The following GNAS variants were observed in gnomAD, a reference collection of about 807,000 sequenced individuals.
The protein encoded by GNAS is GNAS complex locus.
GNAS carries 8 observed loss-of-function variants against 54.5 expected under a neutral mutation model. That is an observed-to-expected ratio of 0.15 (90% CI 0.09 to 0.26). The LOEUF is 0.26. Ranked by LOEUF, GNAS falls within the 10% of genes least tolerant of loss-of-function variation. GNAS has a pLI of 1.00. For missense variants in GNAS, 170 were observed against 529.8 expected (o/e 0.32, Z 6.67); for synonymous variants, 204 against 191.4 (o/e 1.07, Z -0.54).
In GNAS at chr20:58,841,258, G is replaced by C. The variant is rs1052035826; in HGVS notation, c.43+372G>C. On this transcript the variant is annotated intron_variant, in intron 1 of 12. Transcript: ENST00000306090. The surrounding 1 kb of genome is among the most constrained non-coding windows in gnomAD (Gnocchi z 5.0). ...GTTTTGCGCGCTTTTCTTCCTCCTAGAAAGACTAGTCTCAAATAAGTTGGC... is the reference window on the plus strand; with the variant it reads ...GTTTTGCGCGCTTTTCTTCCTCCTACAAAGACTAGTCTCAAATAAGTTGGC... 4.2e-5 allele frequency: 42 copies of C among 994,202 alleles called. No individual in the cohort carries two copies. Among genetic ancestry groups the C allele is most frequent in the African/African-American group, 6.8e-5 (4 of 58,766 alleles). The allele number at this position is 994,202 out of a possible 1,614,324, so 61.6% of individuals were successfully genotyped here. A position where few individuals can be genotyped will look rare whatever the true frequency, so the allele number is the denominator to read the frequency against.
At chr20:58,903,813 G>A in intron 5 of GNAS, 22 bp downstream of exon 5, 10 of 1,613,906 alleles carry the variant, frequency 6.2e-6, no homozygotes, top group Admixed American at 1.7e-5. Context: ...CCCGACTTGT[G>A]TGGCCTTAGC....
chr20:58,904,303 T>TTTAACA (rs11474350), intron 5 of GNAS, among the ~76,000 whole-genome samples: 3,727 of 152,272 alleles, frequency 0.024, 151 homozygotes, highest in African/African-American at 0.084. Context: ...CAGGTGACCT[T>TTTAACA]TTTATTAAGA....
chr20:58,866,915 T>C lies in GNAS; in HGVS notation c.43+26029T>C, dbSNP rs11698680. Among the ~76,000 whole-genome samples the C allele has an allele frequency of 4.5e-3, 692 of 152,318 alleles. 1 individual carries two copies. The highest frequency in any genetic ancestry group is 6.9e-3 in the Admixed American group (106 of 15,308). On this transcript the variant is annotated intron_variant, in intron 1 of 12. Transcript: ENST00000306090. ...AGGTGTATTTCAACACTTTAGCTTT[T>C]ACTATCAGGATTTCTTTAGGGGAAG...
intron 1 of GNAS, among the ~76,000 whole-genome samples, chr20:58,883,941 G>A (rs1349220830): frequency 2.6e-5 from 4 of 152,204 alleles, no homozygotes; most frequent in African/African-American, 9.7e-5. Context: ...CAACTAAAAC[G>A]TGTGGGCAAA....
At chr20:58,899,233 T>C (rs917793938) in intron 3 of GNAS, among the ~76,000 whole-genome samples, 1 of 152,232 alleles carries the variant, frequency 6.6e-6, no homozygotes, top group Non-Finnish European at 1.5e-5. Context: ...GTTATAGATT[T>C]CAGCCTTGGA....
At chr20:58,887,895 A>G (rs1262084649), upstream of GNAS, among the ~76,000 whole-genome samples, 1 of 152,204 alleles carries the variant, frequency 6.6e-6, no homozygotes, top group East Asian at 1.9e-4. Context: ...AATATGTGGC[A>G]TCTTCATCTG....
At chr20:58,869,758 C>T (rs1383038304) in intron 1 of GNAS, among the ~76,000 whole-genome samples, 2 of 152,226 alleles carry the variant, frequency 1.3e-5, no homozygotes, top group African/African-American at 2.4e-5. Context: ...CTCTCCACTT[C>T]TCAGTGCTTC....
rs2087589923 is a variant in GNAS at position 58,873,339 on chromosome 20, T to G, written c.44-22273T>G. ...ATTTAGCATAAAATGACATGCCTAA[T>G]TTAAGAAAACAGTTAAATCCATCAT... On this transcript the variant is annotated intron_variant, in intron 1 of 12. Coordinates refer to the GNAS transcript ENST00000306090. This position sits in a 1 kb window ranked among gnomAD's most constrained non-coding sequence, Gnocchi z 4.3. Among the ~76,000 whole-genome samples the G allele has an allele frequency of 6.6e-6, 1 of 152,182 alleles. No homozygotes were observed. The highest frequency in any genetic ancestry group is 2.1e-4 in the South Asian group (1 of 4,828).
In GNAS at chr20:58,840,910, G is replaced by C; in HGVS notation, c.43+24G>C. 2 of 1,610,470 alleles carry C rather than the reference G, an allele frequency of 1.2e-6. No individual in the cohort carries two copies. Among genetic ancestry groups the C allele is most frequent in the Non-Finnish European group, 1.7e-6 (2 of 1,178,828 alleles). ...AGGTTAGTTGCCCACCGCTAAACTG[G>C]GGAGCCTGAGGGCGGTGTGGGAGCA... On this transcript the variant is annotated intron_variant, in intron 1 of 12. Transcript: ENST00000306090. The surrounding 1 kb of genome is among the most constrained non-coding windows in gnomAD (Gnocchi z 6.0).
At chr20:58,874,713 A>T (rs943666042) in intron 1 of GNAS, among the ~76,000 whole-genome samples, 8 of 151,618 alleles carry the variant, frequency 5.3e-5, no homozygotes, top group Non-Finnish European at 1.0e-4. Context: ...CCTGCCCTCT[A>T]TCTTTGCTGC....
chr20:58,850,538 T>C (rs1219325786), intron 1 of GNAS: 1 of 398,682 alleles, frequency 2.5e-6, no homozygotes, highest in Non-Finnish European at 4.4e-6. Flanking sequence ...ACCTTCCACT[T>C]GTGCAGGCTC....
chr20:58,855,831 G>A (rs777202898), intron 1 of GNAS: 19 of 593,988 alleles, frequency 3.2e-5, no homozygotes, highest in Non-Finnish European at 5.1e-5. Context: ...GCCTGTGCAT[G>A]ATACGCTGAA....
rs1199975309 is a variant in GNAS at position 58,853,782 on chromosome 20, G to A, written c.43+12896G>A. 4 of 1,612,486 alleles carry A rather than the reference G, an allele frequency of 2.5e-6. No individual in the cohort carries two copies. In the South Asian group the frequency reaches 3.3e-5, roughly 13 times the overall value. On this transcript the variant is annotated intron_variant, in intron 1 of 12. Transcript: ENST00000306090. The surrounding 1 kb of genome is among the most constrained non-coding windows in gnomAD (Gnocchi z 4.4). The stretch of plus-strand genomic sequence containing the variant: ...TGAGTTTGACCAGCCTGCCCAGAGA[G>A]GCTGCAGTCAACTTCTCTTACAGGT...
chr20:58,886,052 G>A (rs1308587289), intron 1 of GNAS, among the ~76,000 whole-genome samples: 3 of 152,226 alleles, frequency 2.0e-5, no homozygotes, highest in Non-Finnish European at 4.4e-5. Context: ...AAGCAGAACA[G>A]TATTTTCAAG....
rs113589093 is a variant in GNAS at position 58,903,671 on chromosome 20, G to T, written c.313-1G>T. ...TGACCGCTTTGCTAAATCATTTTCA[G>T]ACCATTGTGGCCGCCATGAGCAACC... On this transcript the variant is annotated splice_acceptor_variant, in intron 4 of 12. Coordinates refer to ENST00000371085, the MANE Select transcript of GNAS (RefSeq NM_000516.7). LOFTEE classifies it high-confidence loss of function. 1 of 1,614,006 alleles carries T rather than the reference G, an allele frequency of 6.2e-7. No individual in the cohort carries two copies.
intron 1 of GNAS, among the ~76,000 whole-genome samples, chr20:58,875,050 ACAGATTGCTAG>A (rs1319136628): frequency 6.6e-6 from 1 of 152,134 alleles, no homozygotes; most frequent in Non-Finnish European, 1.5e-5. Context: ...TCTGTGTAAT[ACAGATTGCTAG>A]CTATTTTTTA....
rs546738716 is a variant in GNAS at position 58,857,475 on chromosome 20, T to A, written c.43+16589T>A. Among the ~76,000 whole-genome samples, 2 of 152,082 alleles carry A rather than the reference T, an allele frequency of 1.3e-5. No homozygotes were observed. The highest frequency in any genetic ancestry group is 3.9e-4 in the East Asian group (2 of 5,176). On this transcript the variant is annotated intron_variant, in intron 1 of 12. Transcript: ENST00000306090. The surrounding 1 kb of genome is among the most constrained non-coding windows in gnomAD (Gnocchi z 4.1). ...GGGAAGCAAACCTGTAGATTGGGGG[T>A]GGGAGGACATAAATGCATACAGACA...
intron 1 of GNAS, among the ~76,000 whole-genome samples, chr20:58,868,019 TTTC>T (rs1471121107): frequency 7.2e-6 from 1 of 139,288 alleles, no homozygotes; most frequent in African/African-American, 3.0e-5. Flanking sequence ...TGTTTCTTTC[TTTC>T]TTTTTTTTTT....
chr20:58,910,270 A>T lies in GNAS; in HGVS notation c.971-64A>T. On this transcript the variant is annotated intron_variant, in intron 11 of 12. Coordinates refer to ENST00000371085, the MANE Select transcript of GNAS (RefSeq NM_000516.7). This position sits in a 1 kb window ranked among gnomAD's most constrained non-coding sequence, Gnocchi z 5.8. Reference sequence around the variant, plus strand: ...TTTGAAGACTTCAGGAGCTACAGAGATGCTAGCACCCCAGCTCTGCTTGAA... The same window carrying T: ...TTTGAAGACTTCAGGAGCTACAGAGTTGCTAGCACCCCAGCTCTGCTTGAA... The T allele has an allele frequency of 1.5e-6, 2 of 1,335,440 alleles. No individual in the cohort carries two copies. Among genetic ancestry groups the T allele is most frequent in the Non-Finnish European group, 2.2e-6 (2 of 925,286 alleles). The allele number at this position is 1,335,440 out of a possible 1,614,324, so 82.7% of individuals were successfully genotyped here.
Sources: allele counts gnomAD v4.1 joint callset (sites outside exome capture counted in the v4.1 genomes callset), GRCh38; gene constraint gnomAD v4.1.1; non-coding constraint Gnocchi (gnomAD v3.1); transcripts MANE v1.5; gene names NCBI Gene and HGNC (gene_info 2026-07-23, HGNC 2026-07-21).